ARHGEF28: variants seen among roughly 807,000 people sequenced by gnomAD.
The protein encoded by ARHGEF28 is 190 kDa guanine nucleotide exchange factor.
Under a neutral mutation model 206.6 loss-of-function variants are expected in ARHGEF28, and 152 were observed. The ratio of observed to expected loss-of-function variants is 0.74; its 90% CI spans 0.64 to 0.84. The LOEUF is 0.84. ARHGEF28 is among the 40% of genes least tolerant of loss of function. The pLI is 0.00. For missense variants in ARHGEF28, 2,028 were observed against 2,073.2 expected, an observed-to-expected ratio of 0.98 and a Z score of 0.42; for synonymous variants, 763 against 776.4, an observed-to-expected ratio of 0.98 and a Z score of 0.29.
intron 9 of ARHGEF28, among the ~76,000 whole-genome samples, chr5:73,807,730 C>T (rs1755596694): frequency 6.6e-6 from 1 of 152,074 alleles, no homozygotes; most frequent in Non-Finnish European, 1.5e-5. Flanking sequence ...AGGCAATCCA[C>T]CCGCCTCAGC....
At chr5:73,940,283 T>A (rs764398374) in intron 35 of ARHGEF28, among the ~76,000 whole-genome samples, 1 of 152,238 alleles carries the variant, frequency 6.6e-6, no homozygotes, top group Non-Finnish European at 1.5e-5. Flanking sequence ...TGATTTTCCC[T>A]AGGAACCTGG....
intron 1 of ARHGEF28, among the ~76,000 whole-genome samples, chr5:73,641,016 C>G (rs1225212285): frequency 3.3e-5 from 5 of 152,278 alleles, no homozygotes; most frequent in Non-Finnish European, 5.9e-5. Context: ...GGGAAGAAAG[C>G]CTCAAAGAGG....
At chr5:73,659,315 G>A (rs1745435726) in intron 1 of ARHGEF28, among the ~76,000 whole-genome samples, 1 of 152,140 alleles carries the variant, frequency 6.6e-6, no homozygotes, top group African/African-American at 2.4e-5. Flanking sequence ...CAGATCACGA[G>A]GTCAGGAGAT....
intron 2 of ARHGEF28, among the ~76,000 whole-genome samples, chr5:73,720,494 C>T (rs533483266): frequency 6.6e-6 from 1 of 152,170 alleles, no homozygotes; most frequent in South Asian, 2.1e-4. Context: ...GGCTTTGATC[C>T]AGGGATTTCA....
chr5:73,674,008 T>TA (rs35528097), intron 1 of ARHGEF28, among the ~76,000 whole-genome samples: 44,064 of 134,204 alleles, frequency 0.33, 7,495 homozygotes, highest in East Asian at 0.44. Flanking sequence ...TCCATCTCTT[T>TA]AAAAAAAAAA....
At chr5:73,710,893 A>G (rs1749201466) in intron 2 of ARHGEF28, among the ~76,000 whole-genome samples, 2 of 152,116 alleles carry the variant, frequency 1.3e-5, no homozygotes, top group South Asian at 4.1e-4. Flanking sequence ...TAGTAGAGAC[A>G]GGGTTTTATC....
At chr5:73,919,047 C>T (rs1442305867) in intron 35 of ARHGEF28, among the ~76,000 whole-genome samples, 1 of 152,086 alleles carries the variant, frequency 6.6e-6, no homozygotes, top group Non-Finnish European at 1.5e-5. Flanking sequence ...GCCGTGGGAT[C>T]CCTAAGTCTT....
intron 2 of ARHGEF28, among the ~76,000 whole-genome samples, chr5:73,742,330 T>C (rs1452568473): frequency 6.6e-6 from 1 of 152,142 alleles, no homozygotes; most frequent in East Asian, 1.9e-4. Context: ...GTTGGATGTA[T>C]ATCTACATAT....
chr5:73,801,056 T>C (rs1327744595), intron 9 of ARHGEF28, among the ~76,000 whole-genome samples: 1 of 152,192 alleles, frequency 6.6e-6, no homozygotes, highest in African/African-American at 2.4e-5. Flanking sequence ...TAGTTTCTCT[T>C]CTTATATTAA....
intron 35 of ARHGEF28, among the ~76,000 whole-genome samples, chr5:73,934,209 G>A (rs947065239): frequency 2.0e-5 from 3 of 152,224 alleles, no homozygotes; most frequent in South Asian, 2.1e-4. Context: ...TTCCCATCGC[G>A]TCATTTGAAA....
At chr5:73,758,479 GTTC>G (rs1182011707) in intron 4 of ARHGEF28, among the ~76,000 whole-genome samples, 1 of 152,222 alleles carries the variant, frequency 6.6e-6, no homozygotes, top group East Asian at 1.9e-4. Context: ...ACAGGCAGAA[GTTC>G]TTCTGCTCAT....
chr5:73,757,825 C>G (rs1484000997), intron 4 of ARHGEF28, among the ~76,000 whole-genome samples: 1 of 152,142 alleles, frequency 6.6e-6, no homozygotes, highest in Non-Finnish European at 1.5e-5. Flanking sequence ...TGGAGTAAAG[C>G]ATTGAATAGT....
chr5:73,930,916 G>GC (rs374495627), intron 35 of ARHGEF28, among the ~76,000 whole-genome samples: 60 of 152,180 alleles, frequency 3.9e-4, no homozygotes, highest in African/African-American at 1.3e-3. Flanking sequence ...GTCACCCAGG[G>GC]CCATCCCTTC....
chr5:73,723,269 A>G (rs1750069048), intron 2 of ARHGEF28, among the ~76,000 whole-genome samples: 1 of 152,048 alleles, frequency 6.6e-6, no homozygotes, highest in Admixed American at 6.5e-5. Context: ...GCTCGCTGCA[A>G]CCTCTGCCTC....
At chr5:73,866,861 T>C (rs1000365025) in intron 18 of ARHGEF28, among the ~76,000 whole-genome samples, 10 of 152,208 alleles carry the variant, frequency 6.6e-5, no homozygotes, top group Admixed American at 2.6e-4. Context: ...AAGTGCATGG[T>C]AACTTTTCAT....
chr5:73,906,251 T>A (rs1762550070), intron 33 of ARHGEF28, among the ~76,000 whole-genome samples: 1 of 152,226 alleles, frequency 6.6e-6, no homozygotes, highest in East Asian at 1.9e-4. Flanking sequence ...ATTTATTTAT[T>A]TTTTTGAGAC....
chr5:73,845,419 C>T (rs769526966), intron 11 of ARHGEF28, among the ~76,000 whole-genome samples: 1 of 151,950 alleles, frequency 6.6e-6, no homozygotes, highest in African/African-American at 2.4e-5. Flanking sequence ...GGTCCTGGGG[C>T]GGATGGGTGG....
intron 22 of ARHGEF28, among the ~76,000 whole-genome samples, chr5:73,874,800 T>G (rs1448292293): frequency 8.7e-5 from 13 of 149,156 alleles, no homozygotes; most frequent in Admixed American, 8.0e-4. Context: ...TGCCACATTT[T>G]CTTAATCCAG....
At chr5:73,764,372 C>T (rs2112428886) in intron 4 of ARHGEF28, among the ~76,000 whole-genome samples, 1 of 152,048 alleles carries the variant, frequency 6.6e-6, no homozygotes, top group East Asian at 1.9e-4. Flanking sequence ...ATTGAGTTGC[C>T]ATCTTGAAAT....
Sources: gnomAD v4.1 joint callset for allele counts (sites outside exome capture counted in the v4.1 genomes callset) on GRCh38, gnomAD v4.1.1 for gene constraint, MANE v1.5 for transcripts, NCBI Gene and HGNC (gene_info 2026-07-23, HGNC 2026-07-21) for gene names.